Variants in DHRSX observed in about 807,000 individuals in gnomAD.
DHRSX encodes the protein dehydrogenase/reductase X-linked, also known as polyprenol dehydrogenase.
Under a neutral mutation model 34.0 loss-of-function variants are expected in DHRSX, and 31 were observed. That is an observed-to-expected ratio of 0.91 (90% confidence interval 0.69 to 1.23). DHRSX has a LOEUF of 1.23. DHRSX is among the 50% of genes most tolerant of loss of function. The probability of loss-of-function intolerance (pLI) is 0.00; values close to 1 mark genes in which losing one functional copy is unlikely to be tolerated. For missense variants in DHRSX, 414 were observed against 428.1 expected (o/e 0.97, Z 0.29); for synonymous variants, 201 against 183.8 (o/e 1.09, Z -0.76).
At chrX:2,382,642 T>C (rs868825576) in intron 3 of DHRSX, among the ~76,000 whole-genome samples, 1 of 55,438 alleles carries the variant, frequency 1.8e-5, no homozygotes, top group Non-Finnish European at 4.1e-5. Flanking sequence ...ATCATCACCA[T>C]CACCATCATC....
intron 3 of DHRSX, among the ~76,000 whole-genome samples, chrX:2,315,115 G>A (rs762881809): frequency 4.6e-5 from 7 of 151,644 alleles, no homozygotes; most frequent in South Asian, 2.1e-4. Context: ...CTGAGATCAC[G>A]CCATAGCACT....
At chrX:2,408,958 T>A in intron 2 of DHRSX, 145 bp from the exon 3 acceptor site, 1 of 720,792 alleles carries the variant, frequency 1.4e-6, no homozygotes, top group Non-Finnish European at 2.3e-6. Context: ...TCCTAGCGTC[T>A]AACTTGACAG....
intron 6 of DHRSX, among the ~76,000 whole-genome samples, chrX:2,231,281 G>A (rs907282859): frequency 3.9e-5 from 6 of 151,962 alleles, no homozygotes; most frequent in Non-Finnish European, 5.9e-5. Flanking sequence ...TGGACAAAAC[G>A]GCCCTTCCCA....
intron 1 of DHRSX, among the ~76,000 whole-genome samples, chrX:2,485,716 G>A (rs1293109397): frequency 1.1e-5 from 1 of 90,332 alleles, no homozygotes; most frequent in Non-Finnish European, 2.1e-5. Context: ...GGAGGGAACG[G>A]AGAGAAGGAA....
At chrX:2,319,153 A>G (rs1416712239) in intron 3 of DHRSX, among the ~76,000 whole-genome samples, 1 of 152,000 alleles carries the variant, frequency 6.6e-6, no homozygotes, top group Non-Finnish European at 1.5e-5. Flanking sequence ...ATCTGAACTG[A>G]GCAGATTCAC....
chrX:2,406,675 A>C (rs1213014995), intron 3 of DHRSX, among the ~76,000 whole-genome samples: 2 of 152,030 alleles, frequency 1.3e-5, no homozygotes, highest in Non-Finnish European at 2.9e-5. Flanking sequence ...TCCTGACCTC[A>C]GGTGATCCAC....
chrX:2,315,391 G>T (rs1042441970), intron 3 of DHRSX, among the ~76,000 whole-genome samples: 1 of 152,114 alleles, frequency 6.6e-6, no homozygotes, highest in African/African-American at 2.4e-5. Flanking sequence ...GAGATGAAAA[G>T]ATTTCCTATC....
At chrX:2,425,438 A>C (rs1186610305) in intron 1 of DHRSX, 134 bp from the exon 2 acceptor site, 1 of 769,168 alleles carries the variant, frequency 1.3e-6, no homozygotes, top group African/African-American at 1.8e-5. Flanking sequence ...GTTCCTCTTG[A>C]ATTCCCACAG....
At chrX:2,304,162 TG>T (rs2042064854) in intron 3 of DHRSX, among the ~76,000 whole-genome samples, 3 of 143,810 alleles carry the variant, frequency 2.1e-5, no homozygotes, top group Non-Finnish European at 3.0e-5. Context: ...GATGGATGGA[TG>T]GATGAACTGA....
chrX:2,486,042 G>C (rs1171288270), intron 1 of DHRSX, among the ~76,000 whole-genome samples: 1 of 151,782 alleles, frequency 6.6e-6, no homozygotes, highest in Non-Finnish European at 1.5e-5. Context: ...GGGGTGATAA[G>C]GAGGCTGGGG....
intron 4 of DHRSX, among the ~76,000 whole-genome samples, chrX:2,286,489 G>A (rs1253543485): frequency 6.6e-6 from 1 of 152,134 alleles, no homozygotes; most frequent in Admixed American, 6.5e-5. Context: ...GGGTACCTCG[G>A]GAGGCCCCTT....
chrX:2,348,454 T>G (rs2042746941), intron 3 of DHRSX, among the ~76,000 whole-genome samples: 1 of 152,144 alleles, frequency 6.6e-6, no homozygotes, highest in African/African-American at 2.4e-5. Flanking sequence ...TCCTATTGTC[T>G]GGATGTGTGG....
chrX:2,386,205 TGAGA>T (rs1040134264), intron 3 of DHRSX, among the ~76,000 whole-genome samples: 15 of 150,620 alleles, frequency 1.0e-4, no homozygotes, highest in African/African-American at 3.2e-4. Context: ...ATTTTGTGTG[TGAGA>T]GAGAGAGAGA....
intron 1 of DHRSX, among the ~76,000 whole-genome samples, chrX:2,474,168 G>T (rs1603141736): frequency 6.6e-6 from 1 of 151,662 alleles, no homozygotes; most frequent in Admixed American, 6.6e-5. Context: ...ATGTGGCCAA[G>T]GGATCGCCAC....
At chrX:2,359,331 CA>C (rs1177719863) in intron 3 of DHRSX, among the ~76,000 whole-genome samples, 1 of 152,170 alleles carries the variant, frequency 6.6e-6, no homozygotes. Context: ...TTCACAATAG[CA>C]AAGACATGGG....
At chrX:2,307,490 T>G (rs1378406391) in intron 3 of DHRSX, among the ~76,000 whole-genome samples, 7 of 149,152 alleles carry the variant, frequency 4.7e-5, no homozygotes, top group Admixed American at 2.0e-4. Context: ...GGCCGGGGGG[T>G]GGGTGGCTCA....
chrX:2,452,441 G>A (rs1446579732), intron 1 of DHRSX, among the ~76,000 whole-genome samples: 1 of 151,676 alleles, frequency 6.6e-6, no homozygotes, highest in Non-Finnish European at 1.5e-5. Flanking sequence ...CATTCCCTAC[G>A]AATGTGGATA....
chrX:2,445,111 C>T (rs1452972232), intron 1 of DHRSX, among the ~76,000 whole-genome samples: 2 of 152,074 alleles, frequency 1.3e-5, no homozygotes, highest in African/African-American at 2.4e-5. Flanking sequence ...GAGCCAAGAT[C>T]GCACCACTGC....
chrX:2,229,806 CAT>C (rs763826502), intron 6 of DHRSX, among the ~76,000 whole-genome samples: 161 of 151,642 alleles, frequency 1.1e-3, no homozygotes, highest in Admixed American at 3.5e-3. Flanking sequence ...TGTGTTTGCA[CAT>C]GTGTATATGT....
Sources: allele counts gnomAD v4.1 joint callset (sites outside exome capture counted in the v4.1 genomes callset), GRCh38; gene constraint gnomAD v4.1.1; transcripts MANE v1.5; gene names NCBI Gene and HGNC (gene_info 2026-07-23, HGNC 2026-07-21).